Variants in SLC8A3 observed in about 807,000 individuals in gnomAD.
SLC8A3 encodes the protein sodium/calcium exchanger 3.
Under a neutral mutation model 65.4 loss-of-function variants are expected in SLC8A3, and 37 were observed. The observed-to-expected ratio is 0.57, with a 90% CI of 0.44 to 0.74. The LOEUF is 0.74. Ranked by LOEUF, SLC8A3 falls within the 30% of genes least tolerant of loss-of-function variation. The pLI, the probability that SLC8A3 is intolerant of heterozygous loss-of-function variation, is 0.00. For missense variants in SLC8A3, 1,112 were observed against 1,172.1 expected, an observed-to-expected ratio of 0.95 and a Z score of 0.75; for synonymous variants, 461 against 444.5, an observed-to-expected ratio of 1.04 and a Z score of -0.47.
rs773135026 is a variant in SLC8A3 at position 70,188,685 on chromosome 14, G to A, written c.-369C>T. Reference sequence around the variant, plus strand: ...CCTTCCGCACGGATTTCAGAAAGAGGGAAACCCCGACCCAGAGCGGTGACT... The same window carrying A: ...CCTTCCGCACGGATTTCAGAAAGAGAGAAACCCCGACCCAGAGCGGTGACT... On this transcript the variant is annotated 5_prime_UTR_variant, in exon 1 of 7. Transcript: ENST00000356921. 6 of 152,210 alleles carry A rather than the reference G, an allele frequency of 3.9e-5. No homozygotes were observed. Among genetic ancestry groups the A allele is most frequent in the Non-Finnish European group, 8.8e-5 (6 of 68,072 alleles). The allele number at this position is 152,210 out of a possible 1,614,324, so 9.4% of individuals were successfully genotyped here.
chr14:70,167,698 G>A lies in SLC8A3; in HGVS notation c.725C>T (p.Pro242Leu), dbSNP rs568611014. ...CACCCAGGCCAGAAGGACACACACT[G>A]GAAAGAAGAAGAGAGTGAGGAGGCC... is the stretch of plus-strand genomic sequence containing the variant. ...WEGLLTLFFF[P>L]VCVLLAWVAD... Residue 242 changes from proline to leucine, a missense_variant, in exon 2 of 7, where the codon CCA (proline) becomes CTA (leucine). Transcript: ENST00000356921. 1.9e-6 allele frequency: 3 copies of A among 1,614,152 alleles called. No homozygotes were observed. Among genetic ancestry groups the A allele is most frequent in the African/African-American group, 2.7e-5 (2 of 75,038 alleles).
rs555942468 is a variant in SLC8A3 at position 70,136,329 on chromosome 14, T to C, written c.1784+30310A>G. 8.5e-5 allele frequency among the ~76,000 whole-genome samples: 13 copies of C among 152,298 alleles called. No individual in the cohort carries two copies. The East Asian group carries it at 2.1e-3, about 25-fold the overall frequency. ...TCTGGCCTCCAGAACTGTGAGGCAA[T>C]ACATTTTTGTTGTTTTACGCCACCC... is the stretch of plus-strand genomic sequence containing the variant. On this transcript the variant is annotated intron_variant, in intron 2 of 6. Coordinates refer to ENST00000356921, the MANE Select transcript of SLC8A3 (RefSeq NM_182932.3).
chr14:70,180,402 A>G (rs969032596), intron 1 of SLC8A3, among the ~76,000 whole-genome samples: 1 of 152,158 alleles, frequency 6.6e-6, no homozygotes, highest in Non-Finnish European at 1.5e-5. Context: ...AACTCTAGGG[A>G]TGCTCTGGGT....
chr14:70,175,584 G>A (rs930145487), intron 1 of SLC8A3, among the ~76,000 whole-genome samples: 2 of 152,092 alleles, frequency 1.3e-5, no homozygotes, highest in African/African-American at 4.8e-5. Context: ...TGTAAAGTGA[G>A]TCATTTATTC....
chr14:70,048,473 G>T, intron 6 of SLC8A3: 3 of 599,828 alleles, frequency 5.0e-6, no homozygotes, highest in Admixed American at 2.9e-5. Context: ...CTGTGAAGTG[G>T]GGATAATAAC....
intron 1 of SLC8A3, among the ~76,000 whole-genome samples, chr14:70,187,434 C>T (rs1241467362): frequency 1.3e-5 from 2 of 152,036 alleles, no homozygotes; most frequent in Non-Finnish European, 1.5e-5. Context: ...CCACCACCAC[C>T]ACTACCACAC....
chr14:70,146,374 A>C (rs1895928422), intron 2 of SLC8A3, among the ~76,000 whole-genome samples: 1 of 152,180 alleles, frequency 6.6e-6, no homozygotes, highest in South Asian at 2.1e-4. Context: ...GTATGAAGTG[A>C]CTGGCAAAGT....
intron 5 of SLC8A3, 36 bp from the exon 6 acceptor site, chr14:70,049,078 C>T (rs750096891): frequency 3.8e-6 from 6 of 1,566,992 alleles, no homozygotes; most frequent in South Asian, 3.6e-5. Flanking sequence ...GAACGGGTAA[C>T]GAAGTCAGAT....
chr14:70,103,425 C>T (rs148231682), intron 2 of SLC8A3, among the ~76,000 whole-genome samples: 82 of 152,056 alleles, frequency 5.4e-4, no homozygotes, highest in Non-Finnish European at 1.1e-3. Flanking sequence ...ATTTTTAATT[C>T]ACACAAGGAT....
rs1477405894 is a variant in SLC8A3, at chr14:70,166,916, A to G, written c.1507T>C (p.Phe503Leu). The change falls in exon 2 of 7, where the codon TTC (phenylalanine) becomes CTC (leucine). Residue 503 changes from phenylalanine (F) to leucine (L), a missense_variant. Coordinates refer to ENST00000356921, the MANE Select transcript of SLC8A3 (RefSeq NM_182932.3). ...QPEEGMPPAI[F>L]NSLPLPRAVL... ...GCCCGAGGCAAGGGAAGACTGTTGAATATTGCTGGAGGCATCCCCTCCTCT... is the reference window on the plus strand; with the variant it reads ...GCCCGAGGCAAGGGAAGACTGTTGAGTATTGCTGGAGGCATCCCCTCCTCT... 7.4e-6 allele frequency: 12 copies of G among 1,614,204 alleles called. No homozygotes were observed. Among genetic ancestry groups the G allele is most frequent in the Middle Eastern group, 3.3e-4 (2 of 6,060 alleles).
chr14:70,071,854 G>T (rs1249010401), intron 2 of SLC8A3, among the ~76,000 whole-genome samples: 2 of 152,164 alleles, frequency 1.3e-5, no homozygotes, highest in Non-Finnish European at 2.9e-5. Flanking sequence ...TGATCTCTTG[G>T]AACTACCCTA....
intron 2 of SLC8A3, among the ~76,000 whole-genome samples, chr14:70,092,459 A>C (rs1891868975): frequency 6.6e-6 from 1 of 152,016 alleles, no homozygotes; most frequent in Non-Finnish European, 1.5e-5. Context: ...GTCCATGTCC[A>C]TACCTCCCTC....
At chr14:70,162,807 CTTAAATG>C (rs1896964167) in intron 2 of SLC8A3, among the ~76,000 whole-genome samples, 1 of 152,200 alleles carries the variant, frequency 6.6e-6, no homozygotes, top group South Asian at 2.1e-4. Flanking sequence ...TAATATCCCT[CTTAAATG>C]TTAAGGTTTC....
intron 2 of SLC8A3, among the ~76,000 whole-genome samples, chr14:70,083,973 G>A (rs1891247840): frequency 6.6e-6 from 1 of 152,208 alleles, no homozygotes; most frequent in African/African-American, 2.4e-5. Flanking sequence ...AGATCTTGTT[G>A]TCAGGTTGAC....
chr14:70,060,972 C>G (rs755137377), intron 2 of SLC8A3, 33 bp from the exon 3 acceptor site: 2 of 1,015,298 alleles, frequency 2.0e-6, no homozygotes, highest in Admixed American at 4.7e-5. Flanking sequence ...AGTGTGTCGA[C>G]TGGGTCGGTA....
chr14:70,056,942 C>T lies in SLC8A3; in HGVS notation c.1888+3894G>A, dbSNP rs145159245. ...TCATTTCTATGATATCTTAGTACAGCCCCTCACTCCTTGGCTCTCAGATAA... is the reference window on the plus strand; with the variant it reads ...TCATTTCTATGATATCTTAGTACAGTCCCTCACTCCTTGGCTCTCAGATAA... On this transcript the variant is annotated intron_variant, in intron 3 of 6. Coordinates refer to ENST00000356921, the MANE Select transcript of SLC8A3 (RefSeq NM_182932.3). Among the ~76,000 whole-genome samples, 601 of 152,234 alleles carry T rather than the reference C, an allele frequency of 3.9e-3. 2 individuals are homozygous for T. The highest frequency in any genetic ancestry group is 0.014 in the African/African-American group (568 of 41,534).
intron 2 of SLC8A3, among the ~76,000 whole-genome samples, chr14:70,091,288 C>A (rs1891789682): frequency 6.6e-6 from 1 of 152,262 alleles, no homozygotes; most frequent in African/African-American, 2.4e-5. Context: ...CAAAATAGCT[C>A]CTTTTTTAAT....
At position 70,167,136 on chromosome 14, in the gene SLC8A3, C is replaced by T; in HGVS notation, c.1287G>A (p.Met429Ile). 2 of 1,614,200 alleles carry T rather than the reference C, an allele frequency of 1.2e-6. No individual in the cohort carries two copies. Among genetic ancestry groups the T allele is most frequent in the Admixed American group, 1.7e-5 (1 of 60,026 alleles). ...VRKGGDMSKTMYVDYKTEDGS... is the reference protein window; with the variant it reads ...VRKGGDMSKTIYVDYKTEDGS... The stretch of plus-strand genomic sequence containing the variant: ...CATCCTCTGTTTTGTAGTCCACATA[C>T]ATGGTCTTTGACATGTCTCCCCCTT... The change falls in exon 2 of 7, where the codon ATG becomes ATA. Residue 429 changes from methionine to isoleucine, a missense_variant. Coordinates refer to ENST00000356921, the MANE Select transcript of SLC8A3 (RefSeq NM_182932.3).
intron 2 of SLC8A3, among the ~76,000 whole-genome samples, chr14:70,130,191 A>G (rs1566799191): frequency 6.6e-6 from 1 of 152,218 alleles, no homozygotes; most frequent in Non-Finnish European, 1.5e-5. Context: ...GACCCTAAAC[A>G]TTTGCATGTT....
Sources: gnomAD v4.1 joint callset for allele counts (sites outside exome capture counted in the v4.1 genomes callset) on GRCh38, gnomAD v4.1.1 for gene constraint, MANE v1.5 for transcripts, NCBI Gene and HGNC (gene_info 2026-07-23, HGNC 2026-07-21) for gene names.